Variants in VSIG10 observed in about 807,000 individuals in gnomAD.
VSIG10 encodes V-set and immunoglobulin domain containing 10.
In VSIG10, 48 loss-of-function variants were observed where a neutral mutation model predicts 58.7. The ratio of observed to expected loss-of-function variants is 0.82; its 90% CI spans 0.65 to 1.04. The LOEUF is 1.04. VSIG10 is among the 50% of genes least tolerant of loss of function. The pLI, the probability that VSIG10 is intolerant of heterozygous loss-of-function variation, is 0.00. For missense variants in VSIG10, 628 were observed against 670.0 expected (o/e 0.94, Z 0.69); for synonymous variants, 260 against 267.1 (o/e 0.97, Z 0.26).
chr12:118,077,512 G>A (rs1033644727), intron 4 of VSIG10, among the ~76,000 whole-genome samples: 2 of 152,146 alleles, frequency 1.3e-5, no homozygotes, highest in South Asian at 2.1e-4. Flanking sequence ...AAAGAGGAAT[G>A]TTTGTGGTTT....
chr12:118,094,407 G>A (rs548240450), intron 2 of VSIG10, among the ~76,000 whole-genome samples: 5 of 148,800 alleles, frequency 3.4e-5, no homozygotes, highest in Admixed American at 6.7e-5. Context: ...TTTTTGAGAC[G>A]GAGTCTAGTT....
At chr12:118,103,325 G>GTCGGC (rs71450259) in intron 1 of VSIG10, 2 of 376,334 alleles carry the variant, frequency 5.3e-6, no homozygotes, top group Non-Finnish European at 9.5e-6. Flanking sequence ...GCCCCCGCAC[G>GTCGGC]TCGGCTCGGC....
In VSIG10 at chr12:118,068,568, A is replaced by G; in HGVS notation, c.1376T>C (p.Leu459Ser). The G allele has an allele frequency of 6.3e-7, 1 of 1,583,504 alleles. No individual in the cohort carries two copies. The highest frequency in any genetic ancestry group is 1.1e-5 in the South Asian group (1 of 87,850). Residue 459 changes from leucine to serine, a missense_variant, in exon 8 of 9, where the codon TTG becomes TCG. Transcript: ENST00000359236. ...CTCCTCTTCCTCTTCTGAATCCACC[A>G]AAACCATGACATCATCCATGTTTTG... ...RGQNMDDVMV[L>S]VDSEEEEEEE...
chr12:118,088,947 C>CTT lies in VSIG10; in HGVS notation c.362-6520_362-6519dup, dbSNP rs150822972. ...TTCAGTGACATTTTTATTCCTTTTT[C>CTT]TTTTTTTTTTTTTTTTATGAGACAG... On this transcript the variant is annotated intron_variant, in intron 2 of 8. Transcript: ENST00000359236. 1.1e-4 allele frequency among the ~76,000 whole-genome samples: 16 copies of CTT among 142,348 alleles called. No homozygotes were observed. In the East Asian group the frequency reaches 1.4e-3, roughly 13 times the overall value. The allele number at this position is 142,348 out of a possible 152,430, so 93.4% of individuals were successfully genotyped here. A position where few individuals can be genotyped will look rare whatever the true frequency, so the allele number is the denominator to read the frequency against.
intron 3 of VSIG10, among the ~76,000 whole-genome samples, chr12:118,079,983 G>C (rs185087461): frequency 1.3e-5 from 2 of 152,046 alleles, no homozygotes; most frequent in African/African-American, 4.8e-5. Flanking sequence ...ACAGGCATGC[G>C]CCACCACGCC....
At chr12:118,103,420 TC>T (rs1384579623) in intron 1 of VSIG10, among the ~76,000 whole-genome samples, 172 bp downstream of exon 1, 2 of 151,982 alleles carry the variant, frequency 1.3e-5, no homozygotes, top group African/African-American at 2.4e-5. Context: ...GAAAACTCCT[TC>T]CTGCAAAGAC....
intron 3 of VSIG10, among the ~76,000 whole-genome samples, chr12:118,081,241 GT>G (rs1489058693): frequency 6.6e-6 from 1 of 152,038 alleles, no homozygotes; most frequent in African/African-American, 2.4e-5. Context: ...GCGAGACTCG[GT>G]CTCAAAAAGA....
At chr12:118,081,293 A>G (rs912212470) in intron 3 of VSIG10, among the ~76,000 whole-genome samples, 3 of 152,170 alleles carry the variant, frequency 2.0e-5, no homozygotes, top group African/African-American at 4.8e-5. Flanking sequence ...TGATGGTTGC[A>G]TAAATGCACT....
chr12:118,085,911 C>G (rs1404960304), intron 2 of VSIG10, among the ~76,000 whole-genome samples: 3 of 146,114 alleles, frequency 2.1e-5, no homozygotes, highest in Non-Finnish European at 3.0e-5. Flanking sequence ...AATCCCAGCA[C>G]TTTGGGAGCC....
Position 118,073,830 on chromosome 12 carries a change from A to T in VSIG10, c.1088T>A (p.Ile363Asn). ...GGTGGAGTTCTGGCCATCCTGGGTA[A>T]TGAGATGGCGGCTGCTAGGCTGGAT... is the stretch of plus-strand genomic sequence containing the variant. ...VIIQPSSRHLITQDGQNSTLT... is the reference protein window; with the variant it reads ...VIIQPSSRHLNTQDGQNSTLT... The change falls in exon 5 of 9, where the codon ATT becomes AAT. Residue 363 changes from isoleucine to asparagine, a missense_variant. Ile to Asn is a moderately radical substitution (Grantham distance 149). Coordinates refer to ENST00000359236, the MANE Select transcript of VSIG10 (RefSeq NM_019086.6). The T allele has an allele frequency of 6.2e-7, 1 of 1,613,944 alleles. No individual in the cohort carries two copies.
intron 8 of VSIG10, among the ~76,000 whole-genome samples, chr12:118,066,924 C>T (rs2032268843): frequency 6.6e-6 from 1 of 152,052 alleles, no homozygotes; most frequent in Non-Finnish European, 1.5e-5. Flanking sequence ...AGCTCACGCC[C>T]CTCCCCTCAC....
chr12:118,088,823 T>C (rs2033209514), intron 2 of VSIG10, among the ~76,000 whole-genome samples: 1 of 152,156 alleles, frequency 6.6e-6, no homozygotes, highest in Non-Finnish European at 1.5e-5. Flanking sequence ...AAGGACCCCA[T>C]GTATTTCCAC....
At chr12:118,087,243 T>A (rs537328882) in intron 2 of VSIG10, among the ~76,000 whole-genome samples, 2 of 152,102 alleles carry the variant, frequency 1.3e-5, no homozygotes, top group African/African-American at 4.8e-5. Context: ...TGTTGTGGGA[T>A]GAGTGATGAA....
chr12:118,072,258 G>A (rs1240549812), intron 5 of VSIG10, among the ~76,000 whole-genome samples: 2 of 152,044 alleles, frequency 1.3e-5, no homozygotes, highest in Non-Finnish European at 2.9e-5. Flanking sequence ...GAGGTCAGGA[G>A]GTCGAGACCA....
chr12:118,087,102 A>AAGAT (rs1186408473), intron 2 of VSIG10, among the ~76,000 whole-genome samples: 1 of 152,054 alleles, frequency 6.6e-6, no homozygotes, highest in Non-Finnish European at 1.5e-5. Context: ...GAAAGAAAGA[A>AAGAT]AGAAACGGCG....
intron 2 of VSIG10, among the ~76,000 whole-genome samples, chr12:118,085,163 G>A (rs1323774186): frequency 1.3e-5 from 2 of 152,200 alleles, no homozygotes; most frequent in African/African-American, 4.8e-5. Flanking sequence ...GGCCTACACT[G>A]TGAGAAGACA....
At position 118,095,558 on chromosome 12, in the gene VSIG10, C is replaced by A; in HGVS notation, c.336G>T (p.Trp112Cys). 6.2e-7 allele frequency: 1 copy of A among 1,613,980 alleles called. No homozygotes were observed. The highest frequency in any genetic ancestry group is 8.5e-7 in the Non-Finnish European group (1 of 1,179,892). Residue 112 changes from tryptophan to cysteine, a missense_variant, in exon 2 of 9, where the codon TGG becomes TGT. By Grantham distance (215) the Trp-to-Cys change is radical. Coordinates refer to ENST00000359236, the MANE Select transcript of VSIG10 (RefSeq NM_019086.6). Reference sequence around the variant, plus strand: ...TGGCCACCTGCAGCCACACTTGGAACCACTGAGTCACATTCAGGATCTCCT... The same window carrying A: ...TGGCCACCTGCAGCCACACTTGGAAACACTGAGTCACATTCAGGATCTCCT... Reference protein sequence around the residue: ...TCQEILNVTQWFQVWLQVASG... With the variant: ...TCQEILNVTQCFQVWLQVASG...
rs1195686396 is a variant in VSIG10, at chr12:118,103,621, C to T, written c.51G>A (p.Gly17=). ...CGGCGACCCAGCCGGCCAGGAGCGC[C>T]CCGAGGCAGACGAGGACGCGGGGCT... is the stretch of plus-strand genomic sequence containing the variant. ...APEPRVLVCL[G]ALLAGWVAVG... Residue 17 remains glycine, a synonymous_variant, in exon 1 of 9, where the codon GGG becomes GGA. Transcript: ENST00000359236. 1 of 1,518,252 alleles carries T rather than the reference C, an allele frequency of 6.6e-7. No homozygotes were observed. Among genetic ancestry groups the T allele is most frequent in the Admixed American group, 2.0e-5 (1 of 49,294 alleles). 94.0% of individuals were successfully genotyped at this position (1,518,252 alleles called of 1,614,324 possible). A position where few individuals can be genotyped will look rare whatever the true frequency, so the allele number is the denominator to read the frequency against.
chr12:118,096,524 G>C (rs1667996594), intron 1 of VSIG10, among the ~76,000 whole-genome samples: 1 of 149,956 alleles, frequency 6.7e-6, no homozygotes, highest in Admixed American at 6.7e-5. Context: ...GTTGCGCTGA[G>C]CCGAGATCGC....
Sources: gnomAD v4.1 joint callset for allele counts (sites outside exome capture counted in the v4.1 genomes callset) on GRCh38, gnomAD v4.1.1 for gene constraint, MANE v1.5 for transcripts, NCBI Gene and HGNC (gene_info 2026-07-23, HGNC 2026-07-21) for gene names.